Variants in PCDHA2 observed in about 807,000 individuals in gnomAD.
PCDHA2 encodes protocadherin alpha 2.
In PCDHA2, 58 loss-of-function variants were observed where a neutral mutation model predicts 66.0. The ratio of observed to expected loss-of-function variants is 0.88; its 90% CI spans 0.71 to 1.09. PCDHA2 has a LOEUF of 1.09. PCDHA2 is among the 50% of genes least tolerant of loss of function. The probability of loss-of-function intolerance (pLI) is 0.00; values close to 1 mark genes in which losing one functional copy is unlikely to be tolerated. For synonymous variants in PCDHA2, 634 were observed against 554.0 expected (o/e 1.14, Z -2.03); for missense variants, 1,267 against 1,242.3 (o/e 1.02, Z -0.30).
intron 3 of PCDHA2, among the ~76,000 whole-genome samples, chr5:141,009,257 C>G (rs1375950001): frequency 6.6e-6 from 1 of 152,136 alleles, no homozygotes; most frequent in Non-Finnish European, 1.5e-5. Flanking sequence ...GTGTTTGAGA[C>G]CAGCCTGGGC....
intron 1 of PCDHA2, among the ~76,000 whole-genome samples, chr5:140,962,118 C>T (rs561645739): frequency 1.3e-5 from 2 of 152,210 alleles, no homozygotes; most frequent in East Asian, 1.9e-4. Context: ...ATCTCCTAAC[C>T]TTGGCCTCGG....
chr5:140,894,571 T>A (rs782019282), intron 1 of PCDHA2, among the ~76,000 whole-genome samples: 5 of 151,906 alleles, frequency 3.3e-5, no homozygotes, highest in Non-Finnish European at 5.9e-5. Context: ...TTATTTTCCT[T>A]TTTTTTAATA....
At chr5:140,898,816 C>T (rs1216644860) in intron 1 of PCDHA2, among the ~76,000 whole-genome samples, 5 of 152,148 alleles carry the variant, frequency 3.3e-5, no homozygotes, top group African/African-American at 1.2e-4. Context: ...TTCTTCCTAC[C>T]CATGAGCATG....
chr5:140,881,480 TTG>T, intron 1 of PCDHA2: 2 of 445,316 alleles, frequency 4.5e-6, no homozygotes, highest in Non-Finnish European at 5.9e-6. Context: ...GGCTAAATTA[TTG>T]TGTTTATGCA....
chr5:140,797,564 G>T, intron 1 of PCDHA2: 1 of 680,588 alleles, frequency 1.5e-6, no homozygotes, highest in East Asian at 2.8e-5. Flanking sequence ...TTTACATTTT[G>T]GCACTTCCAT....
chr5:140,966,546 C>T, intron 1 of PCDHA2: 1 of 466,228 alleles, frequency 2.1e-6, no homozygotes, highest in Non-Finnish European at 3.7e-6. Context: ...GACTCGGAGG[C>T]GAGCGGAGGA....
chr5:140,921,932 TAATTTTACACTTGTAA>T (rs781950121), intron 1 of PCDHA2, among the ~76,000 whole-genome samples: 10 of 152,080 alleles, frequency 6.6e-5, no homozygotes, highest in Non-Finnish European at 1.5e-4. Flanking sequence ...ATAGTCAATA[TAATTTTACACTTGTAA>T]AATCCCAGAA....
Position 140,853,160 on chromosome 5 carries a change from T to C in PCDHA2, c.2388+55808T>C, listed in dbSNP as rs2150529157. 1.0e-3 allele frequency: 954 copies of C among 925,650 alleles called. 57 individuals carry two copies. The highest frequency in any genetic ancestry group is 1.2e-3 in the Non-Finnish European group (917 of 763,430). 57.3% of individuals were successfully genotyped at this position (925,650 alleles called of 1,614,324 possible). ...TCCCAAAATGCTGGGATTACAGGCG[T>C]GAGCCACCGCGCCTGGCCTAAAATG... On this transcript the variant is annotated intron_variant, in intron 1 of 3. Transcript: ENST00000526136.
intron 1 of PCDHA2, among the ~76,000 whole-genome samples, chr5:140,799,958 T>C (rs1243437944): frequency 6.6e-6 from 1 of 152,120 alleles, no homozygotes; most frequent in Non-Finnish European, 1.5e-5. Context: ...GAATGTTTTA[T>C]TGCTTAGTGT....
intron 1 of PCDHA2, chr5:140,883,283 G>A (rs782514861): frequency 1.2e-6 from 2 of 1,614,034 alleles, no homozygotes; most frequent in Admixed American, 3.3e-5. Context: ...CCTTTTGGTG[G>A]AAGTACTAGA....
intron 1 of PCDHA2, chr5:140,969,181 T>C (rs1554231546): frequency 1.2e-6 from 2 of 1,613,978 alleles, no homozygotes; most frequent in Non-Finnish European, 8.5e-7. Flanking sequence ...GGAGTGACAC[T>C]TTCATGTTTT....
intron 1 of PCDHA2, chr5:140,967,642 C>T (rs1554229731): frequency 1.2e-6 from 2 of 1,614,164 alleles, no homozygotes. Flanking sequence ...ATGGTGAGCT[C>T]AGGTACTCCT....
At chr5:140,926,301 C>T (rs1554203262) in intron 1 of PCDHA2, 1 of 152,336 alleles carries the variant, frequency 6.6e-6, no homozygotes, top group Non-Finnish European at 1.5e-5. Flanking sequence ...GTCCCGCCCT[C>T]TCCGCCGGAG....
intron 1 of PCDHA2, among the ~76,000 whole-genome samples, chr5:140,840,752 A>G (rs1776854454): frequency 6.6e-6 from 1 of 152,098 alleles, no homozygotes; most frequent in Non-Finnish European, 1.5e-5. Context: ...ATAAGAACAC[A>G]AGAAGATAAA....
At chr5:140,992,897 T>G (rs2097532683) in intron 3 of PCDHA2, among the ~76,000 whole-genome samples, 2 of 152,156 alleles carry the variant, frequency 1.3e-5, no homozygotes, top group Admixed American at 1.3e-4. Flanking sequence ...GCTGGATATC[T>G]CCAAAGCTTA....
At chr5:140,853,047 T>C in intron 1 of PCDHA2, 1 of 270,060 alleles carries the variant, frequency 3.7e-6, no homozygotes, top group Non-Finnish European at 5.9e-6. Context: ...CCCGCCTAAT[T>C]TTTTTGTATT....
At chr5:140,970,152 A>G (rs899776182) in intron 1 of PCDHA2, among the ~76,000 whole-genome samples, 22 of 152,224 alleles carry the variant, frequency 1.4e-4, no homozygotes, top group Non-Finnish European at 2.5e-4. Flanking sequence ...AATTCTCCCA[A>G]TAGTCACCTT....
chr5:140,835,892 G>T (rs1774026937), intron 1 of PCDHA2: 1 of 1,612,006 alleles, frequency 6.2e-7, no homozygotes, highest in Non-Finnish European at 8.5e-7. Context: ...GCGAGCGCGC[G>T]CTGTCGAGCT....
intron 1 of PCDHA2, chr5:140,869,457 T>C: frequency 6.2e-7 from 1 of 1,614,184 alleles, no homozygotes. Context: ...AGGTTTTCCA[T>C]GTGAACGTGG....
Sources: gnomAD v4.1 joint callset for allele counts (sites outside exome capture counted in the v4.1 genomes callset) on GRCh38, gnomAD v4.1.1 for gene constraint, MANE v1.5 for transcripts, NCBI Gene and HGNC (gene_info 2026-07-23, HGNC 2026-07-21) for gene names.